NTM: variants seen among roughly 807,000 people sequenced by gnomAD.
NTM encodes the protein neurotrimin.
In NTM, 13 loss-of-function variants were observed where a neutral mutation model predicts 42.1. The observed-to-expected ratio is 0.31, with a 90% CI of 0.20 to 0.49. NTM has a LOEUF of 0.49. Ranked by LOEUF, NTM falls within the 20% of genes least tolerant of loss-of-function variation. The probability of loss-of-function intolerance (pLI) is 0.99; values close to 1 mark genes in which losing one functional copy is unlikely to be tolerated. For synonymous variants in NTM, 187 were observed against 179.2 expected, an observed-to-expected ratio of 1.04 and a Z score of -0.35; for missense variants, 373 against 452.8, an observed-to-expected ratio of 0.82 and a Z score of 1.60.
chr11:131,600,086 C>T (rs1310234216), intron 1 of NTM, among the ~76,000 whole-genome samples: 3 of 152,188 alleles, frequency 2.0e-5, no homozygotes, highest in African/African-American at 4.8e-5. Flanking sequence ...CTTGCTCAAT[C>T]GGCTTCTGTT....
At chr11:131,883,313 G>A (rs1195288853) in intron 1 of NTM, among the ~76,000 whole-genome samples, 3 of 152,200 alleles carry the variant, frequency 2.0e-5, no homozygotes, top group African/African-American at 7.2e-5. Context: ...TGGAGACGGG[G>A]AACTGGTGGG....
intron 1 of NTM, among the ~76,000 whole-genome samples, chr11:131,488,261 G>A (rs1395178193): frequency 6.6e-6 from 1 of 152,154 alleles, no homozygotes; most frequent in Non-Finnish European, 1.5e-5. Flanking sequence ...GCTTTTTCGT[G>A]GTGTCAGCTG....
chr11:132,129,335 A>G (rs112071029), intron 2 of NTM, among the ~76,000 whole-genome samples: 3,444 of 152,330 alleles, frequency 0.023, 61 homozygotes, highest in Non-Finnish European at 0.038. Context: ...CCTGTGTCTC[A>G]CACATATATT....
At chr11:131,488,248 T>C (rs60009849) in intron 1 of NTM, among the ~76,000 whole-genome samples, 6,557 of 152,266 alleles carry the variant, frequency 0.043, 471 homozygotes, top group African/African-American at 0.15. Flanking sequence ...GGGTGGTCTT[T>C]CTGCTTTTTC....
At chr11:131,951,179 G>A (rs2060941413) in intron 2 of NTM, among the ~76,000 whole-genome samples, 1 of 152,134 alleles carries the variant, frequency 6.6e-6, no homozygotes, top group South Asian at 2.1e-4. Context: ...AAAGGAATAG[G>A]ATCAGAGGGG....
intron 4 of NTM, among the ~76,000 whole-genome samples, chr11:132,214,714 A>G (rs189154079): frequency 1.1e-4 from 16 of 152,170 alleles, no homozygotes; most frequent in Admixed American, 8.5e-4. Context: ...TTTTGTGACC[A>G]TCGAACAGAT....
At chr11:132,254,922 C>G (rs573179525) in intron 4 of NTM, among the ~76,000 whole-genome samples, 5 of 152,194 alleles carry the variant, frequency 3.3e-5, no homozygotes, top group South Asian at 4.1e-4. Flanking sequence ...TCTCTACCCA[C>G]TAGATAGCAG....
chr11:132,039,151 A>T (rs1052671869), intron 2 of NTM, among the ~76,000 whole-genome samples: 1 of 151,932 alleles, frequency 6.6e-6, no homozygotes, highest in Admixed American at 6.6e-5. Context: ...CTGTGCTCCA[A>T]CCTTGCCTTC....
intron 2 of NTM, among the ~76,000 whole-genome samples, chr11:132,135,408 CT>C (rs1452283476): frequency 6.6e-6 from 1 of 152,224 alleles, no homozygotes; most frequent in Non-Finnish European, 1.5e-5. Flanking sequence ...ATAAGATTGC[CT>C]TTGTTCCAGT....
At position 131,607,184 on chromosome 11, in the gene NTM, C is replaced by A. The variant is rs375316261; in HGVS notation, c.82+236296C>A. On this transcript the variant is annotated intron_variant, in intron 1 of 8. Coordinates refer to ENST00000683400, the MANE Select transcript of NTM (RefSeq NM_001352005.2). ...CAGCCAGGAGCTGGCAAAAAAGACA[C>A]AATTTATGGCTGGAGATTTTATGAA... 4.1e-4 allele frequency among the ~76,000 whole-genome samples: 63 copies of A among 152,268 alleles called. 1 individual carries two copies. The highest frequency in any genetic ancestry group is 1.5e-3 in the African/African-American group (61 of 41,540).
chr11:131,880,532 A>G (rs972702153), intron 1 of NTM, among the ~76,000 whole-genome samples: 1 of 152,122 alleles, frequency 6.6e-6, no homozygotes, highest in African/African-American at 2.4e-5. Context: ...CCTCACACAG[A>G]GAGTTTCCTG....
At chr11:132,211,990 A>T (rs1260004900) in intron 3 of NTM, 32 bp from the exon 4 acceptor site, 3 of 1,598,678 alleles carry the variant, frequency 1.9e-6, no homozygotes, top group Non-Finnish European at 2.6e-6. Context: ...TTTCAGGAGG[A>T]TTTTTATTTT....
intron 1 of NTM, among the ~76,000 whole-genome samples, chr11:131,474,334 T>C (rs1952719372): frequency 6.6e-6 from 1 of 152,124 alleles, no homozygotes; most frequent in South Asian, 2.1e-4. Context: ...CAGGGTTGGT[T>C]TCTTTGGGCT....
intron 3 of NTM, among the ~76,000 whole-genome samples, chr11:132,192,111 AT>A (rs1273846506): frequency 1.1e-4 from 16 of 152,156 alleles, no homozygotes; most frequent in African/African-American, 3.9e-4. Flanking sequence ...AGTCCAAAAA[AT>A]TTTCCCAGTG....
intron 1 of NTM, among the ~76,000 whole-genome samples, chr11:131,907,508 G>A (rs2054036174): frequency 1.3e-5 from 2 of 152,208 alleles, no homozygotes; most frequent in African/African-American, 4.8e-5. Context: ...ACATGTTTGT[G>A]AGCTTGAAAG....
chr11:132,102,843 T>C (rs1184595377), intron 2 of NTM, among the ~76,000 whole-genome samples: 1 of 152,214 alleles, frequency 6.6e-6, no homozygotes, highest in Non-Finnish European at 1.5e-5. Context: ...GCAAGCTGTG[T>C]GGAGCCTGTC....
intron 1 of NTM, among the ~76,000 whole-genome samples, chr11:131,835,264 A>G (rs2043342278): frequency 6.6e-6 from 1 of 152,160 alleles, no homozygotes; most frequent in Non-Finnish European, 1.5e-5. Context: ...TGTACCCTGG[A>G]GTCTATGAAA....
intron 7 of NTM, among the ~76,000 whole-genome samples, chr11:132,315,867 A>C (rs527800917): frequency 1.3e-5 from 2 of 152,258 alleles, no homozygotes; most frequent in Non-Finnish European, 2.9e-5. Flanking sequence ...CAGAGCTGTG[A>C]TTTGAGTGAT....
chr11:131,616,559 G>A (rs545870182), intron 1 of NTM, among the ~76,000 whole-genome samples: 2 of 152,130 alleles, frequency 1.3e-5, no homozygotes, highest in African/African-American at 4.8e-5. Flanking sequence ...TTTAGCAATG[G>A]CCTAGTGACT....
Sources: gnomAD v4.1 joint callset for allele counts (sites outside exome capture counted in the v4.1 genomes callset) on GRCh38, gnomAD v4.1.1 for gene constraint, MANE v1.5 for transcripts, NCBI Gene and HGNC (gene_info 2026-07-23, HGNC 2026-07-21) for gene names.